CCSER1: variants seen among roughly 807,000 people sequenced by gnomAD.
CCSER1 encodes the protein coiled-coil serine rich protein 1.
In CCSER1, 41 loss-of-function variants were observed where a neutral mutation model predicts 82.0. The ratio of observed to expected loss-of-function variants is 0.50; its 90% CI spans 0.39 to 0.65. The LOEUF (loss-of-function observed/expected upper bound fraction) is 0.65, where lower values mean the gene tolerates loss of function less well. Among genes scored for constraint, CCSER1 ranks in the 30% least tolerant of loss-of-function variants. CCSER1 has a pLI of 0.00. For synonymous variants in CCSER1, 414 were observed against 383.9 expected (o/e 1.08, Z -0.92); for missense variants, 1,119 against 1,064.2 (o/e 1.05, Z -0.72).
chr4:90,585,792 T>A (rs11937295), intron 5 of CCSER1, among the ~76,000 whole-genome samples: 3,311 of 152,256 alleles, frequency 0.022, 123 homozygotes, highest in African/African-American at 0.07. Context: ...TCCATCCCAG[T>A]AGCATGTTAA....
At chr4:91,312,634 A>T (rs1479964672) in intron 10 of CCSER1, among the ~76,000 whole-genome samples, 1 of 151,924 alleles carries the variant, frequency 6.6e-6, no homozygotes, top group Admixed American at 6.6e-5. Context: ...TTAAACTTGG[A>T]TTCCATACTC....
chr4:91,271,411 A>G (rs2149183198), intron 10 of CCSER1, among the ~76,000 whole-genome samples: 1 of 151,522 alleles, frequency 6.6e-6, no homozygotes, highest in East Asian at 1.9e-4. Context: ...TTCATCTCTC[A>G]CCCCCTTCCC....
At chr4:90,130,373 A>C (rs1354114149) in intron 1 of CCSER1, among the ~76,000 whole-genome samples, 1 of 152,174 alleles carries the variant, frequency 6.6e-6, no homozygotes, top group African/African-American at 2.4e-5. Context: ...AACATTTCAT[A>C]CTGGATTTTG....
At chr4:90,273,027 A>G (rs111546906) in intron 1 of CCSER1, among the ~76,000 whole-genome samples, 1 of 151,982 alleles carries the variant, frequency 6.6e-6, no homozygotes, top group Non-Finnish European at 1.5e-5. Context: ...ACAAACAAAA[A>G]AAAACAGAAC....
chr4:90,701,431 T>G (rs1738100328), intron 6 of CCSER1, among the ~76,000 whole-genome samples: 1 of 152,194 alleles, frequency 6.6e-6, no homozygotes, highest in African/African-American at 2.4e-5. Flanking sequence ...GCCTCCAGCT[T>G]TGTTCTTTTG....
rs545006023 is a variant in CCSER1 at position 91,030,184 on chromosome 4, AT to A, written c.2173-55757del. On this transcript the variant is annotated intron_variant, in intron 9 of 10. Transcript: ENST00000509176. ...AGAATTGGGAATTACAGTTTATGAA[AT>A]TTTTTTTTAAAAAGCCAGAAAACCA... Among the ~76,000 whole-genome samples, 1,432 of 151,196 alleles carry A rather than the reference AT, an allele frequency of 9.5e-3. 25 individuals carry two copies. Among genetic ancestry groups the A allele is most frequent in the African/African-American group, 0.032 (1,333 of 41,382 alleles).
At chr4:90,804,301 G>C (rs1236067798) in intron 7 of CCSER1, among the ~76,000 whole-genome samples, 3 of 152,106 alleles carry the variant, frequency 2.0e-5, no homozygotes, top group African/African-American at 7.2e-5. Context: ...CCTATGTCTT[G>C]AATGGTATTG....
chr4:90,829,902 T>C (rs1760922544), intron 8 of CCSER1, among the ~76,000 whole-genome samples: 1 of 152,224 alleles, frequency 6.6e-6, no homozygotes, highest in Non-Finnish European at 1.5e-5. Flanking sequence ...CATGCCTATC[T>C]GAGGCTTCCT....
chr4:90,194,607 A>G (rs922737457), intron 1 of CCSER1, among the ~76,000 whole-genome samples: 1 of 152,084 alleles, frequency 6.6e-6, no homozygotes, highest in African/African-American at 2.4e-5. Context: ...CCATGTAAAT[A>G]TAAAACTTAC....
chr4:90,561,490 T>G, intron 5 of CCSER1, among the ~76,000 whole-genome samples: 1 of 152,200 alleles, frequency 6.6e-6, no homozygotes, highest in Non-Finnish European at 1.5e-5. Context: ...AAAATTGGGA[T>G]TAAAGCATGC....
At chr4:90,163,331 C>T (rs532848184) in intron 1 of CCSER1, among the ~76,000 whole-genome samples, 1 of 152,126 alleles carries the variant, frequency 6.6e-6, no homozygotes, top group South Asian at 2.1e-4. Context: ...AAATAGAACG[C>T]CATTCTTAAA....
intron 3 of CCSER1, among the ~76,000 whole-genome samples, chr4:90,324,679 A>T (rs1235121280): frequency 6.6e-6 from 1 of 151,492 alleles, no homozygotes; most frequent in Non-Finnish European, 1.5e-5. Flanking sequence ...GTTTAATTAG[A>T]TCCCATTTGT....
intron 9 of CCSER1, among the ~76,000 whole-genome samples, chr4:90,996,231 G>A (rs1737480967): frequency 6.6e-6 from 1 of 152,052 alleles, no homozygotes; most frequent in Non-Finnish European, 1.5e-5. Flanking sequence ...GTAGGCATTA[G>A]ATATAAATCT....
At chr4:91,182,012 C>T (rs1173529684) in intron 10 of CCSER1, among the ~76,000 whole-genome samples, 2 of 152,134 alleles carry the variant, frequency 1.3e-5, no homozygotes, top group African/African-American at 2.4e-5. Context: ...GTCATAGCTA[C>T]CATTAAATTA....
At chr4:90,556,565 T>C (rs1275913560) in intron 5 of CCSER1, among the ~76,000 whole-genome samples, 1 of 152,000 alleles carries the variant, frequency 6.6e-6, no homozygotes, top group Non-Finnish European at 1.5e-5. Context: ...ACATAAACAA[T>C]TGATTAACAT....
At chr4:90,757,513 T>A (rs62313011) in intron 7 of CCSER1, among the ~76,000 whole-genome samples, 40,493 of 152,120 alleles carry the variant, frequency 0.27, 5,994 homozygotes, top group East Asian at 0.34. Context: ...TATTGGGCCT[T>A]GTACAGGAGC....
intron 1 of CCSER1, among the ~76,000 whole-genome samples, chr4:90,253,812 C>G (rs1016060644): frequency 6.6e-6 from 1 of 152,044 alleles, no homozygotes; most frequent in African/African-American, 2.4e-5. Context: ...TAGTTAGTCT[C>G]TTTTTGATTG....
At chr4:91,533,209 T>C (rs1053103983) in intron 10 of CCSER1, among the ~76,000 whole-genome samples, 5 of 152,334 alleles carry the variant, frequency 3.3e-5, no homozygotes, top group South Asian at 2.1e-4. Context: ...TATCATTTTA[T>C]ATACTTATTT....
At chr4:91,150,606 C>G (rs1730075497) in intron 10 of CCSER1, among the ~76,000 whole-genome samples, 1 of 152,096 alleles carries the variant, frequency 6.6e-6, no homozygotes, top group Non-Finnish European at 1.5e-5. Context: ...CAGTATGTTA[C>G]TGGCTGTGGG....
Sources: allele counts gnomAD v4.1 joint callset (sites outside exome capture counted in the v4.1 genomes callset), GRCh38; gene constraint gnomAD v4.1.1; transcripts MANE v1.5; gene names NCBI Gene and HGNC (gene_info 2026-07-23, HGNC 2026-07-21).